ZDHHC13: variants seen among roughly 807,000 people sequenced by gnomAD.
The protein encoded by ZDHHC13 is zDHHC palmitoyltransferase 13.
Under a neutral mutation model 86.0 loss-of-function variants are expected in ZDHHC13, and 85 were observed. That is an observed-to-expected ratio of 0.99 (90% confidence interval 0.83 to 1.18). The LOEUF is 1.18. Ranked by LOEUF, ZDHHC13 falls within the 50% of genes most tolerant of loss-of-function variation. ZDHHC13 has a pLI of 0.00. For missense variants in ZDHHC13, 711 were observed against 730.2 expected (o/e 0.97, Z 0.30); for synonymous variants, 263 against 246.4 (o/e 1.07, Z -0.63).
chr11:19,125,335 C>G (rs1398872597), intron 1 of ZDHHC13, among the ~76,000 whole-genome samples: 1 of 152,126 alleles, frequency 6.6e-6, no homozygotes, highest in Non-Finnish European at 1.5e-5. Context: ...AGACACTTCA[C>G]CAGAGAAGAT....
At chr11:19,123,730 A>G (rs1039865692) in intron 1 of ZDHHC13, among the ~76,000 whole-genome samples, 6 of 152,188 alleles carry the variant, frequency 3.9e-5, no homozygotes, top group Non-Finnish European at 1.5e-5. Context: ...CAAGTAGACT[A>G]TGAAAAGGCA....
Position 19,176,128 on chromosome 11 carries a change from AG to A in ZDHHC13, c.*170del. The A allele has an allele frequency of 1.8e-6, 1 of 558,088 alleles. No homozygotes were observed. Among genetic ancestry groups the A allele is most frequent in the Non-Finnish European group, 2.8e-6 (1 of 361,240 alleles). The allele number at this position is 558,088 out of a possible 1,614,324, so 34.6% of individuals were successfully genotyped here. A position where few individuals can be genotyped will look rare whatever the true frequency, so the allele number is the denominator to read the frequency against. On this transcript the variant is annotated 3_prime_UTR_variant, in exon 17 of 17. Coordinates refer to ENST00000446113, the MANE Select transcript of ZDHHC13 (RefSeq NM_019028.3). ...CTCAATAAAGGCATTACAATTTTTT[AG>A]GTTTAGAAAGATGGACTTTTCTGAT...
At chr11:19,162,627 C>T (rs73438377) in intron 10 of ZDHHC13, among the ~76,000 whole-genome samples, 6,472 of 152,162 alleles carry the variant, frequency 0.043, 144 homozygotes, top group East Asian at 0.061. Context: ...GGGTGTAATT[C>T]ACTTTACTTG....
At chr11:19,125,518 G>A (rs978470070) in intron 1 of ZDHHC13, among the ~76,000 whole-genome samples, 2 of 152,188 alleles carry the variant, frequency 1.3e-5, no homozygotes, top group Admixed American at 1.3e-4. Context: ...GCAATGCAAG[G>A]TGATATAGCC....
chr11:19,172,608 G>C lies in ZDHHC13; in HGVS notation c.1633-115G>C, dbSNP rs368624036. ...CTTTTTCTTTGTCCCTTTTCAAGGA[G>C]ATACTAAGGAGAACACACAAATTGA... On this transcript the variant is annotated intron_variant, in intron 15 of 16. Coordinates refer to ENST00000446113, the MANE Select transcript of ZDHHC13 (RefSeq NM_019028.3). 2.8e-5 allele frequency: 19 copies of C among 685,546 alleles called. No homozygotes were observed. The East Asian group carries it at 4.1e-4, about 15-fold the overall frequency. The allele number at this position is 685,546 out of a possible 1,614,324, so 42.5% of individuals were successfully genotyped here. A position where few individuals can be genotyped will look rare whatever the true frequency, so the allele number is the denominator to read the frequency against.
intron 15 of ZDHHC13, among the ~76,000 whole-genome samples, 163 bp downstream of exon 15, chr11:19,170,731 T>G (rs1053152592): frequency 6.6e-6 from 1 of 152,188 alleles, no homozygotes; most frequent in Non-Finnish European, 1.5e-5. Flanking sequence ...TTCAGGTATT[T>G]TGTCTGTAAA....
At chr11:19,146,810 A>C (rs750961627) in intron 3 of ZDHHC13, among the ~76,000 whole-genome samples, 1 of 152,174 alleles carries the variant, frequency 6.6e-6, no homozygotes, top group Non-Finnish European at 1.5e-5. Flanking sequence ...TTAACATGTA[A>C]AATGTACATG....
At chr11:19,130,622 A>G (rs1296597889) in intron 1 of ZDHHC13, among the ~76,000 whole-genome samples, 1 of 152,098 alleles carries the variant, frequency 6.6e-6, no homozygotes, top group African/African-American at 2.4e-5. Flanking sequence ...TCTCTAGGTT[A>G]TTAACGTGAA....
chr11:19,170,295 A>T, intron 14 of ZDHHC13, 116 bp from the exon 15 acceptor site: 2 of 1,436,370 alleles, frequency 1.4e-6, no homozygotes, highest in East Asian at 5.2e-5. Context: ...TTGAATCATG[A>T]TCTGTGCCAT....
At chr11:19,134,957 T>C (rs572314670) in intron 1 of ZDHHC13, among the ~76,000 whole-genome samples, 1 of 152,268 alleles carries the variant, frequency 6.6e-6, no homozygotes, top group East Asian at 1.9e-4. Context: ...GCCTGAGCCC[T>C]GGAATTCGAG....
Position 19,146,233 on chromosome 11 carries a change from A to G in ZDHHC13, c.226A>G (p.Arg76Gly), listed in dbSNP as rs2133412451. The G allele has an allele frequency of 1.9e-6, 3 of 1,612,394 alleles. No individual in the cohort carries two copies. Among genetic ancestry groups the G allele is most frequent in the South Asian group, 1.1e-5 (1 of 90,736 alleles). The change falls in exon 3 of 17, where the codon AGG becomes GGG. Residue 76 changes from arginine to glycine, a missense_variant. Physicochemically the swap from Arg to Gly is moderately radical, Grantham distance 125. Coordinates refer to ENST00000446113, the MANE Select transcript of ZDHHC13 (RefSeq NM_019028.3). ...KELVEAGYDV[R>G]QPDKENVSLL... ...GTTGGTAGAAGCAGGATATGATGTCAGGCAACCAGATAAAGAAAATGTGTC... is the reference window on the plus strand; with the variant it reads ...GTTGGTAGAAGCAGGATATGATGTCGGGCAACCAGATAAAGAAAATGTGTC...
At chr11:19,161,365 G>A (rs1849906473) in intron 10 of ZDHHC13, among the ~76,000 whole-genome samples, 1 of 151,942 alleles carries the variant, frequency 6.6e-6, no homozygotes, top group Admixed American at 6.6e-5. Flanking sequence ...CTCATGGTGT[G>A]GCTGCAAGGA....
At chr11:19,155,518 T>C (rs1354048509) in intron 8 of ZDHHC13, among the ~76,000 whole-genome samples, 1 of 149,794 alleles carries the variant, frequency 6.7e-6, no homozygotes, top group Middle Eastern at 3.2e-3. Flanking sequence ...GAGACAGAGG[T>C]TGCAGTGAGC....
At position 19,172,740 on chromosome 11, in the gene ZDHHC13, G is replaced by A; in HGVS notation, c.1650G>A (p.Leu550=). 6.2e-7 allele frequency: 1 copy of A among 1,602,006 alleles called. No individual in the cohort carries two copies. The highest frequency in any genetic ancestry group is 8.5e-7 in the Non-Finnish European group (1 of 1,174,286). Residue 550 remains leucine (L), a synonymous_variant, in exon 16 of 17, where the codon CTG becomes CTA. Transcript: ENST00000446113. ...NQLFQIAFLG[L]TSHERISLQK... ...TTTTTCAGATTGCCTTTCTGGGCCT[G>A]ACCTCCCATGAGAGAATCAGCCTGC...
At chr11:19,130,596 C>G (rs993401316) in intron 1 of ZDHHC13, among the ~76,000 whole-genome samples, 1 of 152,084 alleles carries the variant, frequency 6.6e-6, no homozygotes, top group African/African-American at 2.4e-5. Context: ...GTATCCACTT[C>G]GAGTTTAATT....
At chr11:19,155,649 C>A in intron 8 of ZDHHC13, 147 bp from the exon 9 acceptor site, 6 of 577,208 alleles carry the variant, frequency 1.0e-5, no homozygotes, top group Admixed American at 4.6e-5. Context: ...ATTTATCAAT[C>A]AGCAATTTTA....
At chr11:19,138,027 CA>C (rs1399180411) in intron 1 of ZDHHC13, among the ~76,000 whole-genome samples, 2 of 151,038 alleles carry the variant, frequency 1.3e-5, no homozygotes, top group African/African-American at 4.9e-5. Context: ...CAAACACATT[CA>C]AAAGCTAGCA....
In ZDHHC13 at chr11:19,141,683, T is replaced by TTG. The variant is rs1849323926; in HGVS notation, c.28-1294_28-1293insGT. 2.0e-5 allele frequency among the ~76,000 whole-genome samples: 3 copies of TTG among 151,676 alleles called. No homozygotes were observed. The South Asian group carries it at 6.3e-4, about 32-fold the overall frequency. On this transcript the variant is annotated intron_variant, in intron 1 of 16. Coordinates refer to ENST00000446113, the MANE Select transcript of ZDHHC13 (RefSeq NM_019028.3). ...TCTTAGATTTTTGTGGGCTTTTTTT[T>TTG]TTTTTTTAACATTAGCGAACCCCGT...
chr11:19,146,075 A>T (rs1849455631), intron 2 of ZDHHC13, 106 bp from the exon 3 acceptor site: 3 of 1,152,334 alleles, frequency 2.6e-6, no homozygotes, highest in Non-Finnish European at 2.4e-6. Context: ...TTCTGTATTG[A>T]CTGAAAGGCA....
Sources: allele counts gnomAD v4.1 joint callset (sites outside exome capture counted in the v4.1 genomes callset), GRCh38; gene constraint gnomAD v4.1.1; transcripts MANE v1.5; gene names NCBI Gene and HGNC (gene_info 2026-07-23, HGNC 2026-07-21).